The following ERC1 variants were observed in gnomAD, a reference collection of about 807,000 sequenced individuals.
ERC1 encodes the protein RAB6 interacting protein 2.
In ERC1, 56 loss-of-function variants were observed where a neutral mutation model predicts 132.0. That is an observed-to-expected ratio of 0.42 (90% CI 0.34 to 0.53). The LOEUF (loss-of-function observed/expected upper bound fraction) is 0.53. Ranked by LOEUF, ERC1 falls within the 20% of genes least tolerant of loss-of-function variation. The probability of loss-of-function intolerance (pLI) is 0.03; values close to 1 mark genes in which losing one functional copy is unlikely to be tolerated. For synonymous variants in ERC1, 478 were observed against 476.1 expected, an observed-to-expected ratio of 1.00 and a Z score of -0.05; for missense variants, 1,202 against 1,349.9, an observed-to-expected ratio of 0.89 and a Z score of 1.72.
intron 7 of ERC1, among the ~76,000 whole-genome samples, chr12:1,138,375 A>G (rs1375954811): frequency 1.4e-5 from 2 of 144,572 alleles, no homozygotes; most frequent in African/African-American, 2.5e-5. Flanking sequence ...TGTAAGTTGT[A>G]TATAATATGT....
intron 15 of ERC1, among the ~76,000 whole-genome samples, chr12:1,313,598 C>G (rs114417000): frequency 0.012 from 1,776 of 151,806 alleles, 36 homozygotes; most frequent in African/African-American, 0.041. Flanking sequence ...TCAAATTGTA[C>G]AAAAAATTGA....
intron 18 of ERC1, among the ~76,000 whole-genome samples, chr12:1,473,629 CAAAA>C (rs34619342): frequency 2.2e-5 from 2 of 92,604 alleles, no homozygotes. Flanking sequence ...GACTCTATCT[CAAAA>C]AAAAAAAAAA....
At chr12:1,254,495 T>A (rs957589362) in intron 13 of ERC1, among the ~76,000 whole-genome samples, 1 of 152,148 alleles carries the variant, frequency 6.6e-6, no homozygotes, top group Non-Finnish European at 1.5e-5. Flanking sequence ...GTAATTTTTT[T>A]AAATTTTATT....
chr12:1,021,929 C>T (rs1966446826), intron 1 of ERC1, among the ~76,000 whole-genome samples: 1 of 152,206 alleles, frequency 6.6e-6, no homozygotes, highest in Admixed American at 6.5e-5. Context: ...ATGAAATGGT[C>T]ATAGGCTAAT....
intron 12 of ERC1, among the ~76,000 whole-genome samples, chr12:1,193,436 A>C (rs1276263176): frequency 3.1e-5 from 2 of 64,988 alleles, no homozygotes; most frequent in Non-Finnish European, 6.2e-5. Flanking sequence ...TAGGATACAC[A>C]CACACACACA....
At chr12:1,021,531 C>G (rs1470800531) in intron 1 of ERC1, among the ~76,000 whole-genome samples, 1 of 151,694 alleles carries the variant, frequency 6.6e-6, no homozygotes, top group Non-Finnish European at 1.5e-5. Flanking sequence ...AACCCCGTAT[C>G]TACTAAAAAT....
rs542891296 is a variant in ERC1, at chr12:1,246,318, T to G, written c.2487+9414T>G. On this transcript the variant is annotated intron_variant, in intron 13 of 18. Transcript: ENST00000360905. Reference sequence around the variant, plus strand: ...GAGACTGGCAGTTTTAAAAAAGAAATGAAACGTGAGCAAAAGAAAAAAAAA... The same window carrying G: ...GAGACTGGCAGTTTTAAAAAAGAAAGGAAACGTGAGCAAAAGAAAAAAAAA... Among the ~76,000 whole-genome samples the G allele has an allele frequency of 6.0e-5, 9 of 151,008 alleles. No individual in the cohort carries two copies. The East Asian group carries it at 1.4e-3, about 23-fold the overall frequency.
chr12:1,433,326 A>G (rs1345950052), intron 17 of ERC1, among the ~76,000 whole-genome samples: 3 of 152,344 alleles, frequency 2.0e-5, no homozygotes, highest in Non-Finnish European at 2.9e-5. Context: ...GTCCTAGTTC[A>G]GAGGAGCCTG....
chr12:993,270 CTTAA>C (rs1212198680), intron 1 of ERC1, among the ~76,000 whole-genome samples: 1 of 152,094 alleles, frequency 6.6e-6, no homozygotes, highest in East Asian at 1.9e-4. Context: ...TATACATAGA[CTTAA>C]TTAATTGGGA....
At chr12:1,208,468 C>G (rs1314138476) in intron 12 of ERC1, among the ~76,000 whole-genome samples, 1 of 152,198 alleles carries the variant, frequency 6.6e-6, no homozygotes, top group Non-Finnish European at 1.5e-5. Context: ...CACCCCTGCT[C>G]TATATCTTGT....
chr12:1,061,386 A>T (rs1937848650), intron 2 of ERC1, among the ~76,000 whole-genome samples: 1 of 151,488 alleles, frequency 6.6e-6, no homozygotes, highest in Non-Finnish European at 1.5e-5. Context: ...ACTTGAGCCC[A>T]GGAGTTCGAG....
intron 7 of ERC1, among the ~76,000 whole-genome samples, chr12:1,141,162 T>C (rs1490319597): frequency 6.6e-6 from 1 of 152,186 alleles, no homozygotes; most frequent in Non-Finnish European, 1.5e-5. Flanking sequence ...TGCTTTTGCT[T>C]TGTATGGATA....
At chr12:1,260,793 A>G (rs994965514) in intron 13 of ERC1, among the ~76,000 whole-genome samples, 23 of 152,230 alleles carry the variant, frequency 1.5e-4, no homozygotes, top group Admixed American at 6.5e-5. Context: ...ATGCTTCCAT[A>G]CTTAGCTTTA....
chr12:1,250,769 T>C (rs1566384332), intron 13 of ERC1, among the ~76,000 whole-genome samples: 1 of 152,202 alleles, frequency 6.6e-6, no homozygotes, highest in East Asian at 1.9e-4. Flanking sequence ...CACGTCCTAA[T>C]AATGCAAAGT....
intron 7 of ERC1, among the ~76,000 whole-genome samples, chr12:1,135,825 G>C (rs118161906): frequency 1.1e-3 from 172 of 152,310 alleles, no homozygotes; most frequent in Non-Finnish European, 1.9e-3. Flanking sequence ...AACTTGGAGA[G>C]AGGAAAATAA....
chr12:1,249,460 A>G (rs2076345326), intron 13 of ERC1, among the ~76,000 whole-genome samples: 1 of 152,148 alleles, frequency 6.6e-6, no homozygotes, highest in Non-Finnish European at 1.5e-5. Context: ...GGAATTAATC[A>G]TACCTTCTGT....
At chr12:1,046,368 CA>C (rs1367586290) in intron 2 of ERC1, among the ~76,000 whole-genome samples, 1 of 152,106 alleles carries the variant, frequency 6.6e-6, no homozygotes, top group Non-Finnish European at 1.5e-5. Context: ...AGGAGTTGTA[CA>C]TCCTATAAGC....
intron 1 of ERC1, among the ~76,000 whole-genome samples, chr12:1,024,393 A>G (rs898684629): frequency 6.6e-6 from 1 of 151,994 alleles, no homozygotes; most frequent in Non-Finnish European, 1.5e-5. Context: ...AAACAAAAAC[A>G]CAAAACATCT....
intron 11 of ERC1, among the ~76,000 whole-genome samples, chr12:1,184,096 A>T (rs1046164065): frequency 4.0e-5 from 6 of 150,600 alleles, no homozygotes; most frequent in Non-Finnish European, 2.9e-5. Context: ...AGATCGTGCC[A>T]CTGCACTCCA....
Sources: allele counts gnomAD v4.1 joint callset (sites outside exome capture counted in the v4.1 genomes callset), GRCh38; gene constraint gnomAD v4.1.1; transcripts MANE v1.5; gene names NCBI Gene and HGNC (gene_info 2026-07-23, HGNC 2026-07-21).